ADGRF5: variants seen among roughly 807,000 people sequenced by gnomAD.
ADGRF5 encodes adhesion G protein-coupled receptor F5.
In ADGRF5, 75 loss-of-function variants were observed where a neutral mutation model predicts 132.3. The observed-to-expected ratio is 0.57, with a 90% CI of 0.47 to 0.69. The LOEUF (loss-of-function observed/expected upper bound fraction) is 0.69, where lower values mean the gene tolerates loss of function less well. ADGRF5 is among the 30% of genes least tolerant of loss of function. The pLI is 0.00. For missense variants in ADGRF5, 1,516 were observed against 1,630.6 expected (o/e 0.93, Z 1.21); for synonymous variants, 629 against 597.6 (o/e 1.05, Z -0.77).
Position 46,952,963 on chromosome 6 carries a change from G to A in ADGRF5, c.-25+1771C>T, listed in dbSNP as rs142787446. Reference sequence around the variant, plus strand: ...CCAGGCCTTAATGGGCAATTGGGTGGGGAAGATGAATAGAGGTGTCCCAGG... The same window carrying A: ...CCAGGCCTTAATGGGCAATTGGGTGAGGAAGATGAATAGAGGTGTCCCAGG... On this transcript the variant is annotated intron_variant, in intron 1 of 20. Coordinates refer to the ADGRF5 transcript ENST00000265417. Among the ~76,000 whole-genome samples, 28 of 152,252 alleles carry A rather than the reference G, an allele frequency of 1.8e-4. No individual in the cohort carries two copies. In the East Asian group the frequency reaches 5.2e-3, roughly 28 times the overall value.
At chr6:46,908,045 T>A (rs538738767) in intron 1 of ADGRF5, 1 of 152,220 alleles carries the variant, frequency 6.6e-6, no homozygotes, top group African/African-American at 2.4e-5. Flanking sequence ...ACACTGATGA[T>A]AGGCAAGATT....
Position 46,866,912 on chromosome 6 carries a change from A to G in ADGRF5, c.1834+13T>C, listed in dbSNP as rs1045939522. The G allele has an allele frequency of 6.6e-7, 1 of 1,520,644 alleles. No individual in the cohort carries two copies. Among genetic ancestry groups the G allele is most frequent in the African/African-American group, 1.4e-5 (1 of 73,578 alleles). The allele number at this position is 1,520,644 out of a possible 1,614,324, so 94.2% of individuals were successfully genotyped here. A position where few individuals can be genotyped will look rare whatever the true frequency, so the allele number is the denominator to read the frequency against. ...AATAATATACCCTAACAATTCAGCA[A>G]TCAGCATCTTACCAGCAGGAAGGGA... On this transcript the variant is annotated intron_variant, in intron 13 of 20. Transcript: ENST00000283296.
rs1031375731 is a variant in ADGRF5 at position 46,870,614 on chromosome 6, A to G, written c.1411+1229T>C. ...CCTCCCCATCCATAGGCATCTTGAG[A>G]TGGCTCTCTAAGGCTTAGCTATTTC... On this transcript the variant is annotated intron_variant, in intron 11 of 20. Coordinates refer to ENST00000283296, the MANE Select transcript of ADGRF5 (RefSeq NM_001098518.2). Among the ~76,000 whole-genome samples the G allele has an allele frequency of 3.3e-5, 5 of 152,202 alleles. No individual in the cohort carries two copies. In the East Asian group the frequency reaches 9.6e-4, roughly 29 times the overall value.
At chr6:46,874,016 A>T (rs1771368370) in intron 10 of ADGRF5, among the ~76,000 whole-genome samples, 1 of 152,156 alleles carries the variant, frequency 6.6e-6, no homozygotes, top group South Asian at 2.1e-4. Context: ...ATTACACATG[A>T]TTGTAGCTGA....
At chr6:46,865,487 G>A (rs1440634991) in intron 13 of ADGRF5, among the ~76,000 whole-genome samples, 1 of 152,120 alleles carries the variant, frequency 6.6e-6, no homozygotes, top group Non-Finnish European at 1.5e-5. Flanking sequence ...ATTTCATCAT[G>A]CTCTGAGCAT....
intron 2 of ADGRF5, chr6:46,905,565 A>G (rs1209693018): frequency 6.6e-6 from 1 of 152,228 alleles, no homozygotes; most frequent in Non-Finnish European, 1.5e-5. Context: ...CAAGAGAATC[A>G]TAAAACAAAG....
chr6:46,853,791 G>A lies in ADGRF5; in HGVS notation c.*201C>T. On this transcript the variant is annotated 3_prime_UTR_variant, in exon 21 of 21. Coordinates refer to ENST00000283296, the MANE Select transcript of ADGRF5 (RefSeq NM_001098518.2). ...ACATGTGGTATCACACAAGGGGGAG[G>A]GGGAGGGAACAAACAGAAACATAAC... is the stretch of plus-strand genomic sequence containing the variant. The A allele has an allele frequency of 2.3e-6, 1 of 437,272 alleles. No individual in the cohort carries two copies. Among genetic ancestry groups the A allele is most frequent in the South Asian group, 2.6e-5 (1 of 38,998 alleles). 27.1% of individuals were successfully genotyped at this position (437,272 alleles called of 1,614,324 possible).
In ADGRF5 at chr6:46,859,349, G is replaced by T. The variant is rs201123540; in HGVS notation, c.2554C>A (p.Gln852Lys). 20 of 1,613,734 alleles carry T rather than the reference G, an allele frequency of 1.2e-5. No individual in the cohort carries two copies. Among genetic ancestry groups the T allele is most frequent in the Middle Eastern group, 3.3e-4 (2 of 6,078 alleles). The part of the protein sequence containing the change: ...PPLSFSQTNV[Q>K]MSSMVIKSSH... ...GACTTGATTACCATGCTGCTCATCT[G>T]CACATTAGTTTGGGAGAAGGACAAA... is the stretch of plus-strand genomic sequence containing the variant. The change falls in exon 17 of 21, where the codon CAG becomes AAG. Residue 852 changes from glutamine to lysine, a missense_variant. Coordinates refer to ENST00000283296, the MANE Select transcript of ADGRF5 (RefSeq NM_001098518.2).
In ADGRF5 at chr6:46,856,743, G is replaced by A. The variant is rs750242950; in HGVS notation, c.3851C>T (p.Ser1284Leu). Reference protein sequence around the residue: ...QEALLNKFSLSRWSSQHSKST... With the variant: ...QEALLNKFSLLRWSSQHSKST... ...CTTTGAGTGCTGTGAAGACCATCTC[G>A]ACAATGAAAACTTATTCAGCAAAGC... The change falls in exon 19 of 21, where the codon TCG becomes TTG. Residue 1284 changes from serine (S) to leucine (L), a missense_variant. This residue lies in a region of ADGRF5 where 571 missense variants were observed against 701.2 expected (regional missense o/e 0.81). Coordinates refer to ENST00000283296, the MANE Select transcript of ADGRF5 (RefSeq NM_001098518.2). The A allele has an allele frequency of 7.4e-5, 116 of 1,559,146 alleles. No homozygotes were observed. Among genetic ancestry groups the A allele is most frequent in the Middle Eastern group, 4.6e-4 (2 of 4,394 alleles).
At chr6:46,941,633 A>G (rs1778094906) in intron 1 of ADGRF5, among the ~76,000 whole-genome samples, 1 of 151,152 alleles carries the variant, frequency 6.6e-6, no homozygotes, top group African/African-American at 2.4e-5. Flanking sequence ...TTTAATAACC[A>G]CTGAGATAGA....
intron 1 of ADGRF5, among the ~76,000 whole-genome samples, chr6:46,932,622 A>G (rs1331874431): frequency 6.6e-6 from 1 of 152,212 alleles, no homozygotes; most frequent in Non-Finnish European, 1.5e-5. Flanking sequence ...AGAAATTCCC[A>G]GTACAAAACA....
chr6:46,864,977 A>G (rs1172341340), intron 14 of ADGRF5, 65 bp downstream of exon 14: 5 of 1,037,350 alleles, frequency 4.8e-6, no homozygotes, highest in African/African-American at 4.7e-5. Context: ...TGAATGAGGG[A>G]GTGAATAAAT....
At chr6:46,935,412 T>C (rs1377777965) in intron 1 of ADGRF5, among the ~76,000 whole-genome samples, 4 of 152,178 alleles carry the variant, frequency 2.6e-5, no homozygotes, top group African/African-American at 9.7e-5. Context: ...CACTCCACCC[T>C]GGTGTCACGG....
rs998225233 is a variant in ADGRF5 at position 46,875,780 on chromosome 6, A to AAAAC, written c.1240+2418_1240+2421dup. 3.9e-5 allele frequency among the ~76,000 whole-genome samples: 6 copies of AAAAC among 152,312 alleles called. No individual in the cohort carries two copies. In the East Asian group the frequency reaches 5.8e-4, roughly 15 times the overall value. Reference sequence around the variant, plus strand: ...TGACAAAAGCAAGACTCTATCTCAAAAAACAAACAAACAAACAAAAAACAA... The same window carrying AAAAC: ...TGACAAAAGCAAGACTCTATCTCAAAAAACAAACAAACAAACAAACAAAAAACAA... On this transcript the variant is annotated intron_variant, in intron 10 of 20. Transcript: ENST00000283296.
upstream of ADGRF5, among the ~76,000 whole-genome samples, chr6:46,924,051 T>G (rs540061304): frequency 8.0e-4 from 122 of 152,310 alleles, no homozygotes; most frequent in African/African-American, 2.8e-3. Flanking sequence ...GAGACAAAGC[T>G]CCTACTTTCT....
chr6:46,944,783 A>G (rs60583511), intron 1 of ADGRF5, among the ~76,000 whole-genome samples: 1,572 of 152,312 alleles, frequency 0.01, 21 homozygotes, highest in African/African-American at 0.035. Context: ...CTTTATCTTC[A>G]TAGTCCAACA....
At position 46,854,005 on chromosome 6, in the gene ADGRF5, G is replaced by A. The variant is rs780829581; in HGVS notation, c.4028C>T (p.Ser1343Leu). The A allele has an allele frequency of 1.1e-5, 17 of 1,603,066 alleles. No individual in the cohort carries two copies. The highest frequency in any genetic ancestry group is 5.4e-5 in the African/African-American group (4 of 74,186). ...ATTATCCTGTTCTTAGTTGAGCAAC[G>A]AAGAAGCACTGGATGAGTTTTCCAG... ...SSLENSSSAS[S>L]LLN Residue 1343 changes from serine (S) to leucine (L), a missense_variant, in exon 21 of 21, where the codon TCG (serine) becomes TTG (leucine). Ser to Leu is a moderately radical substitution (Grantham distance 145). This residue lies in a region of ADGRF5 where 571 missense variants were observed against 701.2 expected (regional missense o/e 0.81). Transcript: ENST00000283296.
rs147958492 is a variant in ADGRF5, at chr6:46,867,109, C to A, written c.1650G>T (p.Lys550Asn). The A allele has an allele frequency of 2.6e-4, 411 of 1,610,478 alleles. No individual in the cohort carries two copies. The highest frequency in any genetic ancestry group is 3.3e-4 in the Non-Finnish European group (391 of 1,176,942). ...NGTYHCIFRY[K>N]NSYSIATKDV... Reference sequence around the variant, plus strand: ...CTTTGGTTGCAATACTGTATGAATTCTTATATCTAAATATGCAGTGATAGG... The same window carrying A: ...CTTTGGTTGCAATACTGTATGAATTATTATATCTAAATATGCAGTGATAGG... The change falls in exon 13 of 21, where the codon AAG becomes AAT. Residue 550 changes from lysine (K) to asparagine (N), a missense_variant. Physicochemically the swap from Lys to Asn is moderately conservative, Grantham distance 94 (BLOSUM62 0). Transcript: ENST00000283296.
At chr6:46,906,881 C>A in intron 1 of ADGRF5, 95 bp from the exon 2 acceptor site, 1 of 684,100 alleles carries the variant, frequency 1.5e-6, no homozygotes, top group South Asian at 1.6e-5. Context: ...TCATCCTACA[C>A]AAGAACTTTT....
Sources: allele counts gnomAD v4.1 joint callset (sites outside exome capture counted in the v4.1 genomes callset), GRCh38; gene constraint gnomAD v4.1.1; regional missense constraint gnomAD v4.1.1; transcripts MANE v1.5; gene names NCBI Gene and HGNC (gene_info 2026-07-23, HGNC 2026-07-21).